ELOVL6: variants seen among roughly 807,000 people sequenced by gnomAD.
ELOVL6 encodes the protein very long chain fatty acid elongase 6.
Under a neutral mutation model 31.7 loss-of-function variants are expected in ELOVL6, and 8 were observed. That is an observed-to-expected ratio of 0.25 (90% CI 0.15 to 0.45). The LOEUF (loss-of-function observed/expected upper bound fraction) is 0.45, where lower values mean the gene tolerates loss of function less well. Among genes scored for constraint, ELOVL6 ranks in the 20% least tolerant of loss-of-function variants. The probability of loss-of-function intolerance (pLI) is 1.00; values close to 1 mark genes in which losing one functional copy is unlikely to be tolerated. For synonymous variants in ELOVL6, 101 were observed against 117.7 expected, an observed-to-expected ratio of 0.86 and a Z score of 0.92; for missense variants, 126 against 326.4, an observed-to-expected ratio of 0.39 and a Z score of 4.73.
intron 1 of ELOVL6, among the ~76,000 whole-genome samples, chr4:110,183,859 G>C (rs1165899727): frequency 6.6e-6 from 1 of 152,152 alleles, no homozygotes; most frequent in African/African-American, 2.4e-5. Context: ...GTGTATGCCT[G>C]TGGTCCCAGC....
chr4:110,084,557 C>CAGAT (rs1756169305), intron 2 of ELOVL6, among the ~76,000 whole-genome samples: 1 of 62,220 alleles, frequency 1.6e-5, no homozygotes, highest in Non-Finnish European at 2.6e-5. Context: ...CACACACACA[C>CAGAT]ACACAGATAT....
intron 1 of ELOVL6, among the ~76,000 whole-genome samples, chr4:110,123,258 C>T (rs1757403160): frequency 6.6e-6 from 1 of 152,156 alleles, no homozygotes; most frequent in African/African-American, 2.4e-5. Flanking sequence ...TAAATCTAAA[C>T]AGTAAAAATT....
At chr4:110,072,525 C>A (rs1019576722) in intron 2 of ELOVL6, among the ~76,000 whole-genome samples, 4 of 152,062 alleles carry the variant, frequency 2.6e-5, no homozygotes. Flanking sequence ...AATTTATCTG[C>A]CAGGTGAAAC....
At chr4:110,175,694 G>A (rs1379830294) in intron 1 of ELOVL6, among the ~76,000 whole-genome samples, 2 of 152,118 alleles carry the variant, frequency 1.3e-5, no homozygotes, top group Non-Finnish European at 2.9e-5. Context: ...TCAGAACTCA[G>A]GCAGTCTAGC....
chr4:110,062,369 G>A (rs1755165805), intron 2 of ELOVL6, among the ~76,000 whole-genome samples: 1 of 152,196 alleles, frequency 6.6e-6, no homozygotes, highest in Non-Finnish European at 1.5e-5. Flanking sequence ...GCCAGCCATT[G>A]GGCCCATGTG....
At chr4:110,173,395 C>G (rs1381190966) in intron 1 of ELOVL6, among the ~76,000 whole-genome samples, 1 of 151,932 alleles carries the variant, frequency 6.6e-6, no homozygotes, top group Non-Finnish European at 1.5e-5. Context: ...CCTAGAACAT[C>G]CAGGTCTCAT....
chr4:110,063,756 A>C (rs980636278), intron 2 of ELOVL6, among the ~76,000 whole-genome samples: 1 of 151,662 alleles, frequency 6.6e-6, no homozygotes, highest in Non-Finnish European at 1.5e-5. Flanking sequence ...ACTTTAAAAA[A>C]AAAAAAGAAA....
intron 1 of ELOVL6, among the ~76,000 whole-genome samples, chr4:110,135,210 C>CAGA (rs1757780400): frequency 6.6e-6 from 1 of 152,106 alleles, no homozygotes; most frequent in African/African-American, 2.4e-5. Flanking sequence ...AAGCCTGTAC[C>CAGA]AGAGTCCAGT....
At chr4:110,131,126 T>C (rs1757653503) in intron 1 of ELOVL6, among the ~76,000 whole-genome samples, 1 of 152,338 alleles carries the variant, frequency 6.6e-6, no homozygotes, top group East Asian at 1.9e-4. Context: ...ATGAAGTACC[T>C]AGGAAATATC....
At chr4:110,173,308 T>C (rs1035283200) in intron 1 of ELOVL6, among the ~76,000 whole-genome samples, 2 of 152,088 alleles carry the variant, frequency 1.3e-5, no homozygotes, top group African/African-American at 4.8e-5. Context: ...GTTCTCTGAG[T>C]GCTAGTCCCA....
intron 1 of ELOVL6, among the ~76,000 whole-genome samples, chr4:110,116,047 G>A (rs1025471613): frequency 2.6e-5 from 4 of 152,004 alleles, no homozygotes; most frequent in African/African-American, 9.7e-5. Context: ...TGAATATAAT[G>A]GGCCCACCAG....
chr4:110,071,511 T>C (rs1755480202), intron 2 of ELOVL6, among the ~76,000 whole-genome samples: 1 of 152,206 alleles, frequency 6.6e-6, no homozygotes, highest in South Asian at 2.1e-4. Flanking sequence ...CTGTGAAGTG[T>C]CTGGTCACGA....
intron 2 of ELOVL6, among the ~76,000 whole-genome samples, chr4:110,073,535 CTG>C (rs1755549128): frequency 6.6e-6 from 1 of 152,156 alleles, no homozygotes; most frequent in Non-Finnish European, 1.5e-5. Context: ...TTCAAAAAGT[CTG>C]TGGTATTTCT....
intron 2 of ELOVL6, among the ~76,000 whole-genome samples, chr4:110,092,184 C>T (rs1487181376): frequency 6.6e-6 from 1 of 152,168 alleles, no homozygotes; most frequent in African/African-American, 2.4e-5. Flanking sequence ...GAAACAAGAG[C>T]TCCCTATGTC....
At chr4:110,120,809 T>C (rs1033299977) in intron 1 of ELOVL6, among the ~76,000 whole-genome samples, 7 of 147,258 alleles carry the variant, frequency 4.8e-5, no homozygotes, top group African/African-American at 9.9e-5. Context: ...TTTTTTTTTT[T>C]TTTTTTTTTG....
intron 2 of ELOVL6, among the ~76,000 whole-genome samples, chr4:110,075,932 T>C (rs1196384667): frequency 6.6e-6 from 1 of 152,220 alleles, no homozygotes; most frequent in Non-Finnish European, 1.5e-5. Context: ...GTAGGTGACA[T>C]GTGCTTTTGA....
At chr4:110,118,256 C>T (rs945238525) in intron 1 of ELOVL6, among the ~76,000 whole-genome samples, 1 of 151,792 alleles carries the variant, frequency 6.6e-6, no homozygotes, top group African/African-American at 2.4e-5. Flanking sequence ...CTGCGCCTGG[C>T]CAGTGATCTT....
At chr4:110,103,607 T>A (rs1756811681) in intron 2 of ELOVL6, among the ~76,000 whole-genome samples, 1 of 152,164 alleles carries the variant, frequency 6.6e-6, no homozygotes, top group East Asian at 1.9e-4. Context: ...TACACCTGAA[T>A]GTAATAAACC....
In ELOVL6 at chr4:110,051,593, A is replaced by G; in HGVS notation, c.543T>C (p.Tyr181=). The G allele has an allele frequency of 6.2e-7, 1 of 1,614,220 alleles. No individual in the cohort carries two copies. Among genetic ancestry groups the G allele is most frequent in the Non-Finnish European group, 8.5e-7 (1 of 1,180,030 alleles). The change falls in exon 4 of 4, where the codon TAT becomes TAC. Residue 181 remains tyrosine, a synonymous_variant. Transcript: ENST00000302274. The surrounding 1 kb of genome is among the most constrained non-coding windows in gnomAD (Gnocchi z 4.8). Reference sequence around the variant, plus strand: ...CTCGGAAACCTGCCGCCCGCAAGGCATAGTAAGAGTACATCACGGCGTGCA... The same window carrying G: ...CTCGGAAACCTGCCGCCCGCAAGGCGTAGTAAGAGTACATCACGGCGTGCA... ...YGVHAVMYSY[Y]ALRAAGFRVS...
Sources: allele counts gnomAD v4.1 joint callset (sites outside exome capture counted in the v4.1 genomes callset), GRCh38; gene constraint gnomAD v4.1.1; non-coding constraint Gnocchi (gnomAD v3.1); transcripts MANE v1.5; gene names NCBI Gene and HGNC (gene_info 2026-07-23, HGNC 2026-07-21).